The following SLC4A5 variants were observed in gnomAD, a reference collection of about 807,000 sequenced individuals.
SLC4A5 encodes solute carrier family 4 member 5.
Under a neutral mutation model 120.4 loss-of-function variants are expected in SLC4A5, and 96 were observed. That is an observed-to-expected ratio of 0.80 (90% CI 0.68 to 0.94). The LOEUF (loss-of-function observed/expected upper bound fraction) is 0.94, where lower values mean the gene tolerates loss of function less well. SLC4A5 is among the 40% of genes least tolerant of loss of function. The pLI is 0.00. For synonymous variants in SLC4A5, 550 were observed against 571.1 expected (o/e 0.96, Z 0.53); for missense variants, 1,259 against 1,459.5 (o/e 0.86, Z 2.24).
intron 8 of SLC4A5, among the ~76,000 whole-genome samples, chr2:74,280,264 C>G (rs1158945161): frequency 6.6e-6 from 1 of 152,108 alleles, no homozygotes; most frequent in African/African-American, 2.4e-5. Context: ...TAACTCTGAC[C>G]CATCCTTCAG....
intron 6 of SLC4A5, among the ~76,000 whole-genome samples, chr2:74,310,777 T>G (rs1224285042): frequency 6.6e-6 from 1 of 152,158 alleles, no homozygotes; most frequent in East Asian, 1.9e-4. Flanking sequence ...TTGTCATGCC[T>G]TTATCTCATT....
intron 30 of SLC4A5, among the ~76,000 whole-genome samples, chr2:74,220,836 C>A (rs1174015639): frequency 8.0e-6 from 1 of 125,416 alleles, no homozygotes; most frequent in Non-Finnish European, 1.6e-5. Context: ...GTCAATATTT[C>A]CTTTCTTTTT....
At chr2:74,264,293 ACAT>A (rs776672001) in exon 10 of SLC4A5, 1 of 1,613,668 alleles carries the variant, frequency 6.2e-7, no homozygotes, top group South Asian at 1.1e-5. Flanking sequence ...CTTCTCAATG[ACAT>A]CATCTGTGTG....
chr2:74,256,719 A>C (rs976251397), intron 12 of SLC4A5, among the ~76,000 whole-genome samples: 2 of 152,196 alleles, frequency 1.3e-5, no homozygotes, highest in Non-Finnish European at 2.9e-5. Flanking sequence ...AAGATACCCC[A>C]GGGATGGTTA....
At chr2:74,273,791 G>A (rs1671549643) in intron 8 of SLC4A5, among the ~76,000 whole-genome samples, 1 of 152,176 alleles carries the variant, frequency 6.6e-6, no homozygotes, top group Non-Finnish European at 1.5e-5. Context: ...GATGTCTGAG[G>A]AATCATCAGA....
chr2:74,342,578 C>T (rs1214075283), intron 1 of SLC4A5, 44 bp from the exon 2 acceptor site: 2 of 152,126 alleles, frequency 1.3e-5, no homozygotes, highest in African/African-American at 4.8e-5. Flanking sequence ...GGGACAGAAG[C>T]CCACAAAGCT....
intron 7 of SLC4A5, among the ~76,000 whole-genome samples, chr2:74,300,785 T>A (rs1672456873): frequency 6.6e-6 from 1 of 152,198 alleles, no homozygotes; most frequent in South Asian, 2.1e-4. Context: ...AGAGAGCAAC[T>A]TTGCAGCAAG....
chr2:74,302,550 G>A (rs1334367769), intron 7 of SLC4A5, among the ~76,000 whole-genome samples: 1 of 152,244 alleles, frequency 6.6e-6, no homozygotes, highest in African/African-American at 2.4e-5. Flanking sequence ...CTGGGAGGCA[G>A]AGGTTGTAGT....
intron 25 of SLC4A5, among the ~76,000 whole-genome samples, chr2:74,230,387 GTC>G (rs1670031617): frequency 6.6e-6 from 1 of 152,110 alleles, no homozygotes; most frequent in Non-Finnish European, 1.5e-5. Context: ...ACTTGACTTA[GTC>G]TCTTAGCTGT....
Position 74,255,594 on chromosome 2 carries a change from C to T in SLC4A5, c.1025+181G>A, listed in dbSNP as rs1670939299. Among the ~76,000 whole-genome samples the T allele has an allele frequency of 6.6e-6, 1 of 152,158 alleles. No homozygotes were observed. The highest frequency in any genetic ancestry group is 6.5e-5 in the Admixed American group (1 of 15,278). On this transcript the variant is annotated intron_variant, in intron 13 of 30. Transcript: ENST00000394019. This position sits in a 1 kb window ranked among gnomAD's most constrained non-coding sequence, Gnocchi z 4.0. ...AGGCGTGAGCCACCGCACCTGGCCT[C>T]TTTTGTTATTATTTTTAATAAACTC... is the stretch of plus-strand genomic sequence containing the variant.
At chr2:74,248,149 C>T (rs963485532) in intron 18 of SLC4A5, among the ~76,000 whole-genome samples, 2 of 152,230 alleles carry the variant, frequency 1.3e-5, no homozygotes, top group South Asian at 4.1e-4. Flanking sequence ...TCCCTATGGG[C>T]TGTGCCAATA....
At chr2:74,264,379 T>C (rs1190890315) in intron 9 of SLC4A5, 80 bp from the exon 10 acceptor site, 4 of 1,482,110 alleles carry the variant, frequency 2.7e-6, no homozygotes, top group Admixed American at 4.2e-5. Flanking sequence ...TCACCTGTTA[T>C]TAGTGGGATT....
intron 12 of SLC4A5, 73 bp from the exon 13 acceptor site, chr2:74,256,005 T>A (rs1670954450): frequency 4.6e-6 from 7 of 1,537,110 alleles, no homozygotes; most frequent in Non-Finnish European, 6.2e-6. Flanking sequence ...CCCTTCAGAC[T>A]GCTTTGAGGC....
At position 74,241,249 on chromosome 2, in the gene SLC4A5, A is replaced by ATATTATTATTATTATTAT. The variant is rs145522219; in HGVS notation, c.2118+727_2118+744dup. Among the ~76,000 whole-genome samples the ATATTATTATTATTATTAT allele has an allele frequency of 1.7e-3, 241 of 140,770 alleles. 2 individuals carry two copies. Among genetic ancestry groups the ATATTATTATTATTATTAT allele is most frequent in the African/African-American group, 5.8e-3 (219 of 37,646 alleles). 92.4% of individuals were successfully genotyped at this position (140,770 alleles called of 152,430 possible). ...CTTCCCCTTCCTTTGTGTGCGTGTCATATTATTATTATTATTATTATTATT... is the reference window on the plus strand; with the variant it reads ...CTTCCCCTTCCTTTGTGTGCGTGTCATATTATTATTATTATTATTATTATTATTATTATTATTATTATT... On this transcript the variant is annotated intron_variant, in intron 20 of 30. Transcript: ENST00000394019.
At chr2:74,270,232 C>T (rs938518005) in intron 8 of SLC4A5, among the ~76,000 whole-genome samples, 2 of 152,196 alleles carry the variant, frequency 1.3e-5, no homozygotes, top group African/African-American at 4.8e-5. Flanking sequence ...CTACCTGGAA[C>T]TTAATTTTGT....
intron 30 of SLC4A5, 74 bp downstream of exon 30, chr2:74,221,360 C>A: frequency 1.7e-6 from 2 of 1,209,240 alleles, no homozygotes; most frequent in South Asian, 1.3e-5. Context: ...TTGGGAAATC[C>A]TAGACCCTCC....
intron 28 of SLC4A5, among the ~76,000 whole-genome samples, chr2:74,223,537 T>C (rs1288337652): frequency 6.6e-6 from 1 of 152,250 alleles, no homozygotes; most frequent in African/African-American, 2.4e-5. Context: ...CACTTGGGAA[T>C]GAACCTCACA....
intron 8 of SLC4A5, among the ~76,000 whole-genome samples, chr2:74,266,820 A>G (rs571419731): frequency 6.6e-6 from 1 of 152,340 alleles, no homozygotes; most frequent in Admixed American, 6.5e-5. Context: ...AAAAAAATGG[A>G]CAGATTTGAT....
Position 74,332,722 on chromosome 2 carries a change from T to C in SLC4A5, c.-70+1305A>G, listed in dbSNP as rs114015368. On this transcript the variant is annotated intron_variant, in intron 4 of 30. Coordinates refer to ENST00000394019, the Ensembl canonical transcript of SLC4A5. Reference sequence around the variant, plus strand: ...GTCCATTTGTGTGTGTGTGTGTGTGTGTGCGTGTGTGTGCGCATGTATGTG... The same window carrying C: ...GTCCATTTGTGTGTGTGTGTGTGTGCGTGCGTGTGTGTGCGCATGTATGTG... Among the ~76,000 whole-genome samples the C allele has an allele frequency of 6.0e-3, 919 of 152,046 alleles. 6 individuals carry two copies. Among genetic ancestry groups the C allele is most frequent in the African/African-American group, 0.021 (886 of 41,390 alleles).
Sources: gnomAD v4.1 joint callset for allele counts (sites outside exome capture counted in the v4.1 genomes callset) on GRCh38, gnomAD v4.1.1 for gene constraint, Gnocchi (gnomAD v3.1) non-coding constraint, MANE v1.5 for transcripts, NCBI Gene and HGNC (gene_info 2026-07-23, HGNC 2026-07-21) for gene names.